Variants in TBC1D1 observed in about 807,000 individuals in gnomAD.
TBC1D1 encodes the protein TBC1 (tre-2/USP6, BUB2, cdc16) domain family, member 1.
In TBC1D1, 89 loss-of-function variants were observed where a neutral mutation model predicts 125.6. That is an observed-to-expected ratio of 0.71 (90% CI 0.60 to 0.85). The LOEUF is 0.85. TBC1D1 is among the 40% of genes least tolerant of loss of function. The pLI, the probability that TBC1D1 is intolerant of heterozygous loss-of-function variation, is 0.00. For missense variants in TBC1D1, 1,377 were observed against 1,469.2 expected (o/e 0.94, Z 1.03); for synonymous variants, 565 against 564.1 (o/e 1.00, Z -0.02).
Position 38,137,228 on chromosome 4 carries a change from C to A in TBC1D1, c.3400C>A (p.Leu1134Met), listed in dbSNP as rs773876434. The A allele has an allele frequency of 6.2e-7, 1 of 1,612,580 alleles. No homozygotes were observed. Among genetic ancestry groups the A allele is most frequent in the East Asian group, 2.2e-5 (1 of 44,868 alleles). ...GAAGCAGGCCATGCTTACCTTAGAA[C>A]TGGAGCGGTCGGCCCTGCTGCAGAC... Residue 1134 changes from leucine to methionine, a missense_variant, in exon 20 of 20, where the codon CTG becomes ATG. Physicochemically the swap from Leu to Met is conservative, Grantham distance 15 (BLOSUM62 2). Around this residue, in one of 3 missense-constraint regions of TBC1D1, gnomAD observed 543 missense variants for 613.5 expected, o/e 0.89. Coordinates refer to ENST00000261439, the MANE Select transcript of TBC1D1 (RefSeq NM_015173.4).
chr4:37,950,528 A>G (rs1727610754), intron 2 of TBC1D1, among the ~76,000 whole-genome samples: 1 of 140,594 alleles, frequency 7.1e-6, no homozygotes, highest in Non-Finnish European at 1.6e-5. Context: ...TTAGGTTCAC[A>G]GCAAAATTGA....
At chr4:38,004,316 C>G in intron 2 of TBC1D1, among the ~76,000 whole-genome samples, 1 of 152,208 alleles carries the variant, frequency 6.6e-6, no homozygotes, top group East Asian at 1.9e-4. Flanking sequence ...GTACTGGGCT[C>G]ACTCTCATAT....
At chr4:38,111,261 A>G (rs1280103555) in intron 15 of TBC1D1, among the ~76,000 whole-genome samples, 1 of 152,098 alleles carries the variant, frequency 6.6e-6, no homozygotes, top group African/African-American at 2.4e-5. Context: ...CTTGGTGTTT[A>G]CTCAGGAATG....
chr4:37,966,775 C>A (rs1052603299), intron 2 of TBC1D1, among the ~76,000 whole-genome samples: 2 of 152,312 alleles, frequency 1.3e-5, no homozygotes, highest in South Asian at 2.1e-4. Context: ...CCCCCTACCC[C>A]CCAACAGGCC....
chr4:37,942,131 G>T (rs1383541216), intron 2 of TBC1D1, among the ~76,000 whole-genome samples: 2 of 152,164 alleles, frequency 1.3e-5, no homozygotes, highest in African/African-American at 4.8e-5. Flanking sequence ...GGGTGTTAAA[G>T]TCTCCCATTA....
At chr4:38,117,260 A>G (rs1763128829) in intron 16 of TBC1D1, among the ~76,000 whole-genome samples, 1 of 152,092 alleles carries the variant, frequency 6.6e-6, no homozygotes, top group South Asian at 2.1e-4. Flanking sequence ...GGTGGATCTT[A>G]GCGGATTCTG....
chr4:38,090,851 G>T (rs975418311), intron 13 of TBC1D1, among the ~76,000 whole-genome samples: 4 of 152,218 alleles, frequency 2.6e-5, no homozygotes, highest in Non-Finnish European at 5.9e-5. Flanking sequence ...AGATGGTTCA[G>T]TCACCCTGCC....
chr4:37,966,709 A>G (rs1404792734), intron 2 of TBC1D1, among the ~76,000 whole-genome samples: 2 of 152,098 alleles, frequency 1.3e-5, no homozygotes, highest in Non-Finnish European at 2.9e-5. Flanking sequence ...GGTTTGCTGC[A>G]CCCATCAACT....
At chr4:37,981,368 C>T (rs1458099732) in intron 2 of TBC1D1, among the ~76,000 whole-genome samples, 2 of 152,144 alleles carry the variant, frequency 1.3e-5, no homozygotes, top group Admixed American at 1.3e-4. Flanking sequence ...TTCAACAGGT[C>T]ATTTAACAAA....
At chr4:37,914,881 G>T (rs561984711) in intron 2 of TBC1D1, among the ~76,000 whole-genome samples, 1 of 152,114 alleles carries the variant, frequency 6.6e-6, no homozygotes, top group East Asian at 1.9e-4. Flanking sequence ...CTCAAACCTC[G>T]CCCTCTGGCC....
At chr4:38,135,924 A>ATATG (rs1553861817) in intron 19 of TBC1D1, among the ~76,000 whole-genome samples, 2 of 144,984 alleles carry the variant, frequency 1.4e-5, no homozygotes, top group African/African-American at 2.5e-5. Flanking sequence ...GTGTGTGTAT[A>ATATG]TGTGTGTGTG....
chr4:38,049,858 A>G lies in TBC1D1; in HGVS notation c.1870A>G (p.Arg624Gly). Residue 624 changes from arginine (R) to glycine (G), a missense_variant, in exon 11 of 20, where the codon AGG becomes GGG. By Grantham distance (125) the Arg-to-Gly change is moderately radical. This residue lies in a region of TBC1D1 where 822 missense variants were observed against 824.6 expected (regional missense o/e 1.00). Coordinates refer to ENST00000261439, the MANE Select transcript of TBC1D1 (RefSeq NM_015173.4). ...GGGGGTTTCGCAAAGGAAACTTATG[A>G]GGTATCACTCAGTGAGCACAGAGAC... is the stretch of plus-strand genomic sequence containing the variant. The G allele has an allele frequency of 6.2e-7, 1 of 1,614,070 alleles. No homozygotes were observed. Among genetic ancestry groups the G allele is most frequent in the South Asian group, 1.1e-5 (1 of 91,086 alleles).
chr4:38,092,352 CTAAA>C (rs1758564998), intron 13 of TBC1D1, among the ~76,000 whole-genome samples: 2 of 152,118 alleles, frequency 1.3e-5, no homozygotes, highest in Admixed American at 1.3e-4. Context: ...CACCAAACTT[CTAAA>C]TAAAGACCCA....
intron 8 of TBC1D1, among the ~76,000 whole-genome samples, chr4:38,042,044 C>T (rs1477865429): frequency 2.6e-5 from 4 of 151,850 alleles, no homozygotes; most frequent in East Asian, 2.0e-4. Context: ...GATGTGGTGG[C>T]GCACACTTGT....
chr4:37,950,012 G>A (rs1054390974), intron 2 of TBC1D1, among the ~76,000 whole-genome samples: 2 of 151,668 alleles, frequency 1.3e-5, no homozygotes, highest in Non-Finnish European at 2.9e-5. Context: ...TCTTCCCTGT[G>A]TCTTTATTTA....
At chr4:37,926,287 G>A (rs193140340) in intron 2 of TBC1D1, among the ~76,000 whole-genome samples, 332 of 150,204 alleles carry the variant, frequency 2.2e-3, no homozygotes, top group Non-Finnish European at 3.2e-3. Flanking sequence ...TCTGCCTGCC[G>A]TCACTTTAGG....
At chr4:37,974,264 G>T (rs937587805) in intron 2 of TBC1D1, among the ~76,000 whole-genome samples, 1 of 152,024 alleles carries the variant, frequency 6.6e-6, no homozygotes, top group Non-Finnish European at 1.5e-5. Flanking sequence ...AGGGTCTTGT[G>T]CTGTCACCCA....
intron 17 of TBC1D1, among the ~76,000 whole-genome samples, chr4:38,121,520 A>G (rs1327660857): frequency 6.6e-6 from 1 of 152,132 alleles, no homozygotes; most frequent in African/African-American, 2.4e-5. Flanking sequence ...GGCTTGAAAA[A>G]GGAGAGGAGA....
chr4:37,918,529 C>A (rs1184277646), intron 2 of TBC1D1, among the ~76,000 whole-genome samples: 1 of 151,724 alleles, frequency 6.6e-6, no homozygotes, highest in Non-Finnish European at 1.5e-5. Context: ...CTCACTGCAA[C>A]CTCTGCCTCC....
Sources: allele counts gnomAD v4.1 joint callset (sites outside exome capture counted in the v4.1 genomes callset), GRCh38; gene constraint gnomAD v4.1.1; regional missense constraint gnomAD v4.1.1; transcripts MANE v1.5; gene names NCBI Gene and HGNC (gene_info 2026-07-23, HGNC 2026-07-21).